NCR2: variants seen among roughly 807,000 people sequenced by gnomAD.
NCR2 encodes the protein NK cell activating receptor (NKp44).
Under a neutral mutation model 30.7 loss-of-function variants are expected in NCR2, and 35 were observed. That is an observed-to-expected ratio of 1.14 (90% CI 0.87 to 1.51). The LOEUF (loss-of-function observed/expected upper bound fraction) is 1.51. Ranked by LOEUF, NCR2 falls within the 40% of genes most tolerant of loss-of-function variation. The probability of loss-of-function intolerance (pLI) is 0.00; values close to 1 mark genes in which losing one functional copy is unlikely to be tolerated. For missense variants in NCR2, 316 were observed against 328.9 expected, an observed-to-expected ratio of 0.96 and a Z score of 0.30; for synonymous variants, 146 against 134.8, an observed-to-expected ratio of 1.08 and a Z score of -0.58.
At chr6:41,349,618 C>T (rs1357183323) in intron 4 of NCR2, among the ~76,000 whole-genome samples, 1 of 152,180 alleles carries the variant, frequency 6.6e-6, no homozygotes, top group East Asian at 1.9e-4. Flanking sequence ...GGTTCAGGAG[C>T]TTCTGAGTTG....
At position 41,342,026 on chromosome 6, in the gene NCR2, T is replaced by C; in HGVS notation, c.531-10T>C. ...CCGTCCTCTCCCCTTCCTGTCCCTC[T>C]GCCTTCCAGGCCACAGAACTCCACG... On this transcript the variant is annotated splice_polypyrimidine_tract_variant and intron_variant, in intron 3 of 4. Coordinates refer to ENST00000373089, the MANE Select transcript of NCR2 (RefSeq NM_004828.4). 4 of 1,613,992 alleles carry C rather than the reference T, an allele frequency of 2.5e-6. No individual in the cohort carries two copies. Among genetic ancestry groups the C allele is most frequent in the Non-Finnish European group, 3.4e-6 (4 of 1,179,982 alleles).
At chr6:41,349,362 G>C (rs1324824279) in intron 4 of NCR2, among the ~76,000 whole-genome samples, 1 of 152,032 alleles carries the variant, frequency 6.6e-6, no homozygotes, top group Non-Finnish European at 1.5e-5. Context: ...CTAATCTCCT[G>C]AGTGATAGGA....
At position 41,344,802 on chromosome 6, in the gene NCR2, G is replaced by A. The variant is rs557596058; in HGVS notation, c.644+2653G>A. Among the ~76,000 whole-genome samples, 4 of 152,138 alleles carry A rather than the reference G, an allele frequency of 2.6e-5. No individual in the cohort carries two copies. The East Asian group carries it at 5.8e-4, about 22-fold the overall frequency. On this transcript the variant is annotated intron_variant, in intron 4 of 4. Coordinates refer to ENST00000373089, the MANE Select transcript of NCR2 (RefSeq NM_004828.4). Reference sequence around the variant, plus strand: ...TTTCTGGAAACCTTTGCCGCTTCTCGGCCACCCACTTGCTTAGAAGCCCCA... The same window carrying A: ...TTTCTGGAAACCTTTGCCGCTTCTCAGCCACCCACTTGCTTAGAAGCCCCA...
At chr6:41,342,259 C>T (rs1047409873) in intron 4 of NCR2, 110 bp downstream of exon 4, 15 of 1,418,530 alleles carry the variant, frequency 1.1e-5, no homozygotes, top group Admixed American at 4.4e-5. Context: ...AAATTATAAT[C>T]GGCAGAGCTC....
rs1443763934 is a variant in NCR2 at position 41,342,020 on chromosome 6, T to A, written c.531-16T>A. The A allele has an allele frequency of 6.2e-7, 1 of 1,613,904 alleles. No homozygotes were observed. The highest frequency in any genetic ancestry group is 2.2e-5 in the East Asian group (1 of 44,862). On this transcript the variant is annotated splice_polypyrimidine_tract_variant and intron_variant, in intron 3 of 4. Transcript: ENST00000373089. ...CCCAGCCCGTCCTCTCCCCTTCCTGTCCCTCTGCCTTCCAGGCCACAGAAC... is the reference window on the plus strand; with the variant it reads ...CCCAGCCCGTCCTCTCCCCTTCCTGACCCTCTGCCTTCCAGGCCACAGAAC...
At chr6:41,349,885 C>T (rs1442488687) in intron 4 of NCR2, among the ~76,000 whole-genome samples, 1 of 152,144 alleles carries the variant, frequency 6.6e-6, no homozygotes, top group Non-Finnish European at 1.5e-5. Flanking sequence ...GTCATCAAGT[C>T]CCAGCTCCCT....
chr6:41,336,963 T>C (rs1769048617), intron 2 of NCR2, among the ~76,000 whole-genome samples: 1 of 152,180 alleles, frequency 6.6e-6, no homozygotes, highest in East Asian at 1.9e-4. Context: ...GGAGTTATTT[T>C]TTGGAACACA....
At chr6:41,348,256 A>G (rs1467759555) in intron 4 of NCR2, among the ~76,000 whole-genome samples, 3 of 152,216 alleles carry the variant, frequency 2.0e-5, no homozygotes, top group East Asian at 3.8e-4. Flanking sequence ...TTATGGCGTC[A>G]GGATGAGGTC....
intron 2 of NCR2, among the ~76,000 whole-genome samples, chr6:41,338,811 A>T (rs1232054688): frequency 6.6e-6 from 1 of 152,220 alleles, no homozygotes; most frequent in Non-Finnish European, 1.5e-5. Context: ...AAATGATATC[A>T]AGCTCCCTTC....
Position 41,335,661 on chromosome 6 carries a change from C to T in NCR2, c.-216C>T. On this transcript the variant is annotated 5_prime_UTR_variant, in exon 1 of 5. Coordinates refer to ENST00000373089, the MANE Select transcript of NCR2 (RefSeq NM_004828.4). ...TGTGTGCCAGACAGCGCCGAGCCCA[C>T]CAGACCCAGACTCACCTACAGCTGG... 1.7e-6 allele frequency: 1 copy of T among 598,446 alleles called. No homozygotes were observed. Among genetic ancestry groups the T allele is most frequent in the East Asian group, 2.9e-5 (1 of 34,268 alleles). The allele number at this position is 598,446 out of a possible 1,614,324, so 37.1% of individuals were successfully genotyped here.
At chr6:41,338,047 T>C (rs1270151956) in intron 2 of NCR2, among the ~76,000 whole-genome samples, 2 of 152,268 alleles carry the variant, frequency 1.3e-5, no homozygotes, top group African/African-American at 4.8e-5. Context: ...TAACAATTCA[T>C]AGAAATGGTT....
Position 41,342,089 on chromosome 6 carries a change from C to G in NCR2, c.584C>G (p.Pro195Arg). 6.2e-7 allele frequency: 1 copy of G among 1,613,896 alleles called. No individual in the cohort carries two copies. Among genetic ancestry groups the G allele is most frequent in the Non-Finnish European group, 8.5e-7 (1 of 1,180,022 alleles). The change falls in exon 4 of 5, where the codon CCT becomes CGT. Residue 195 changes from proline to arginine, a missense_variant. By Grantham distance (103) the Pro-to-Arg change is moderately radical. Coordinates refer to ENST00000373089, the MANE Select transcript of NCR2 (RefSeq NM_004828.4). ...CCTGCAGCCCCCATTGCCCTGGTGCCTGTGTTCTGTGGACTCCTCGTAGCC... is the reference window on the plus strand; with the variant it reads ...CCTGCAGCCCCCATTGCCCTGGTGCGTGTGTTCTGTGGACTCCTCGTAGCC... Reference protein sequence around the residue: ...PGPAAPIALVPVFCGLLVAKS... With the variant: ...PGPAAPIALVRVFCGLLVAKS...
At chr6:41,342,849 G>T (rs907524309) in intron 4 of NCR2, 2 of 1,401,298 alleles carry the variant, frequency 1.4e-6, no homozygotes, top group East Asian at 2.5e-5. Flanking sequence ...GGAGGGGCAG[G>T]CTTGGGGAAA....
chr6:41,348,184 C>T (rs1041929227), intron 4 of NCR2, among the ~76,000 whole-genome samples: 4 of 152,196 alleles, frequency 2.6e-5, no homozygotes, highest in Non-Finnish European at 4.4e-5. Flanking sequence ...AAATTATTTA[C>T]ATTCCTCCCA....
intron 4 of NCR2, among the ~76,000 whole-genome samples, chr6:41,345,223 C>T (rs959694805): frequency 1.3e-5 from 2 of 152,130 alleles, no homozygotes; most frequent in African/African-American, 4.8e-5. Context: ...AAGTTCCAAC[C>T]TGTTCTCTGG....
At chr6:41,350,174 A>G (rs1769394796) in intron 4 of NCR2, among the ~76,000 whole-genome samples, 1 of 152,178 alleles carries the variant, frequency 6.6e-6, no homozygotes, top group Non-Finnish European at 1.5e-5. Flanking sequence ...ATTGGTAAAA[A>G]CAGAACTGAT....
chr6:41,338,127 T>C (rs949417554), intron 2 of NCR2, among the ~76,000 whole-genome samples: 3 of 152,232 alleles, frequency 2.0e-5, no homozygotes, highest in Admixed American at 6.5e-5. Flanking sequence ...CTTCCTTGCA[T>C]GGAAATATTA....
At chr6:41,340,046 A>T (rs943987689) in intron 2 of NCR2, among the ~76,000 whole-genome samples, 2 of 152,294 alleles carry the variant, frequency 1.3e-5, no homozygotes, top group East Asian at 1.9e-4. Context: ...AATTTTGTTT[A>T]AAAAAAGTTT....
In NCR2 at chr6:41,335,900, A is replaced by G; in HGVS notation, c.24A>G (p.Pro8=). 1.3e-6 allele frequency: 2 copies of G among 1,570,674 alleles called. No homozygotes were observed. The highest frequency in any genetic ancestry group is 1.7e-6 in the Non-Finnish European group (2 of 1,157,314). Residue 8 remains proline (P), a synonymous_variant, in exon 1 of 5, where the codon CCA becomes CCG. Coordinates refer to ENST00000373089, the MANE Select transcript of NCR2 (RefSeq NM_004828.4). MAWRALH[P]LLLLLLLFPG... ...ACATGGCCTGGCGAGCCCTACACCC[A>G]CTGCTACTGCTGCTGCTGCTGTTCC...
Sources: allele counts gnomAD v4.1 joint callset (sites outside exome capture counted in the v4.1 genomes callset), GRCh38; gene constraint gnomAD v4.1.1; transcripts MANE v1.5; gene names NCBI Gene and HGNC (gene_info 2026-07-23, HGNC 2026-07-21).